LOC400499: variants seen among roughly 807,000 people sequenced by gnomAD.
the LOC400499 span, chr16:11,508,944 C>A: frequency 5.0e-6 from 2 of 397,442 alleles, no homozygotes; most frequent in Non-Finnish European, 8.9e-6. Context: ...CCACCCCCTC[C>A]AGTGCTTCCT....
At chr16:11,398,334 C>T in the LOC400499 span, 1 of 1,232,332 alleles carries the variant, frequency 8.1e-7, no homozygotes, top group Non-Finnish European at 1.0e-6. Flanking sequence ...CCCCCTTCTG[C>T]AGGGCAGACT....
At chr16:11,429,713 A>C in the LOC400499 span, among the ~76,000 whole-genome samples, 367 of 152,126 alleles carry the variant, frequency 2.4e-3, no homozygotes, top group African/African-American at 8.5e-3. Context: ...GCTACAAGTG[A>C]TCTGCCCGCC....
At chr16:11,384,149 G>A in the LOC400499 span, 2 of 1,213,092 alleles carry the variant, frequency 1.6e-6, no homozygotes, top group African/African-American at 3.1e-5. Context: ...GCCTCTCCCG[G>A]GACTCTGCAG....
the LOC400499 span, among the ~76,000 whole-genome samples, chr16:11,374,115 C>T: frequency 6.6e-6 from 1 of 152,148 alleles, no homozygotes; most frequent in Non-Finnish European, 1.5e-5. Flanking sequence ...TTAATAATTT[C>T]TAGTTCCCTG....
At chr16:11,501,406 G>A in the LOC400499 span, among the ~76,000 whole-genome samples, 4 of 152,128 alleles carry the variant, frequency 2.6e-5, no homozygotes, top group African/African-American at 9.7e-5. Context: ...CACCCAGGCT[G>A]CAGTGCAGTG....
the LOC400499 span, among the ~76,000 whole-genome samples, chr16:11,490,396 G>GAAA: frequency 5.1e-4 from 31 of 60,574 alleles, no homozygotes; most frequent in East Asian, 1.9e-3. Context: ...ACTCTGTCTC[G>GAAA]AAAAAAAAAA....
At chr16:11,457,532 G>C in the LOC400499 span, among the ~76,000 whole-genome samples, 1 of 149,642 alleles carries the variant, frequency 6.7e-6, no homozygotes, top group East Asian at 2.0e-4. Flanking sequence ...GGCAGAGCTT[G>C]CAGTGAGCCG....
the LOC400499 span, among the ~76,000 whole-genome samples, chr16:11,389,939 G>A: frequency 1.3e-5 from 2 of 152,190 alleles, no homozygotes; most frequent in Admixed American, 6.5e-5. Context: ...GGTATCTATG[G>A]AGTGAGGAAG....
the LOC400499 span, chr16:11,407,099 C>T: frequency 2.5e-6 from 1 of 395,946 alleles, no homozygotes; most frequent in South Asian, 1.4e-4. Flanking sequence ...TGTCCTTCCG[C>T]CCAGGAACCG....
the LOC400499 span, chr16:11,435,696 G>A: frequency 2.3e-3 from 916 of 399,160 alleles, no homozygotes; most frequent in Non-Finnish European, 3.3e-3. Flanking sequence ...AGCTGCAGCC[G>A]AACAGCCCTG....
the LOC400499 span, among the ~76,000 whole-genome samples, chr16:11,456,246 T>C: frequency 6.6e-6 from 1 of 152,174 alleles, no homozygotes; most frequent in African/African-American, 2.4e-5. Flanking sequence ...GGTTTCACCA[T>C]GTTGGCCAGG....
chr16:11,403,359 T>A, the LOC400499 span, among the ~76,000 whole-genome samples: 1 of 152,166 alleles, frequency 6.6e-6, no homozygotes, highest in Non-Finnish European at 1.5e-5. Flanking sequence ...TGCAACACTG[T>A]CAACACCGTG....
chr16:11,486,936 G>A, the LOC400499 span, among the ~76,000 whole-genome samples: 1 of 132,730 alleles, frequency 7.5e-6, no homozygotes, highest in Non-Finnish European at 1.6e-5. Flanking sequence ...AATGGATGAT[G>A]GGTGGGTGGA....
the LOC400499 span, among the ~76,000 whole-genome samples, chr16:11,382,877 G>T: frequency 6.6e-6 from 1 of 152,162 alleles, no homozygotes; most frequent in East Asian, 1.9e-4. Flanking sequence ...ACTTAGCTTA[G>T]TAGGGGGTAG....
chr16:11,407,195 C>T, the LOC400499 span: 8 of 398,932 alleles, frequency 2.0e-5, no homozygotes, highest in Non-Finnish European at 3.5e-5. Flanking sequence ...CTGACCTCCA[C>T]ACACCTGCAG....
chr16:11,435,918 G>A, the LOC400499 span: 7 of 399,052 alleles, frequency 1.8e-5, no homozygotes, highest in Non-Finnish European at 3.1e-5. Flanking sequence ...GGGTCTATGG[G>A]ATCCTGGGTG....
chr16:11,402,248 C>T, the LOC400499 span: 12 of 398,736 alleles, frequency 3.0e-5, no homozygotes, highest in East Asian at 2.1e-4. Context: ...ACTCAACTGA[C>T]GCCACTGCCA....
the LOC400499 span, chr16:11,471,422 C>CGGAA: frequency 5.3e-6 from 2 of 375,696 alleles, no homozygotes; most frequent in Non-Finnish European, 9.4e-6. Context: ...GGCAGGCTTC[C>CGGAA]CTGAGGAAGT....
chr16:11,508,768 G>A, the LOC400499 span: 25 of 399,120 alleles, frequency 6.3e-5, no homozygotes, highest in Middle Eastern at 6.3e-4. Flanking sequence ...TGTGGCTGCG[G>A]TGGCCACCAT....
Sources: allele counts gnomAD v4.1 joint callset (sites outside exome capture counted in the v4.1 genomes callset), GRCh38; gene constraint gnomAD v4.1.1; transcripts MANE v1.5.